The following ATE1 variants were observed in gnomAD, a reference collection of about 807,000 sequenced individuals.
The protein encoded by ATE1 is arginyl-tRNA--protein transferase 1.
A neutral mutation model predicts 70.5 loss-of-function variants in ATE1; 36 were observed. That is an observed-to-expected ratio of 0.51 (90% CI 0.39 to 0.67). ATE1 has a LOEUF of 0.67. ATE1 is among the 30% of genes least tolerant of loss of function. ATE1 has a pLI of 0.00. For missense variants in ATE1, 593 were observed against 629.5 expected, an observed-to-expected ratio of 0.94 and a Z score of 0.62; for synonymous variants, 232 against 219.3, an observed-to-expected ratio of 1.06 and a Z score of -0.51.
intron 10 of ATE1, among the ~76,000 whole-genome samples, chr10:121,803,969 G>A (rs2133397414): frequency 6.6e-6 from 1 of 152,270 alleles, no homozygotes; most frequent in Admixed American, 6.5e-5. Context: ...AGGGGTTCTG[G>A]TAGAATTTAC....
intron 7 of ATE1, among the ~76,000 whole-genome samples, chr10:121,893,347 A>G (rs1376307723): frequency 6.6e-6 from 1 of 152,006 alleles, no homozygotes; most frequent in Non-Finnish European, 1.5e-5. Context: ...AATAACATGG[A>G]GAAAATTAAT....
intron 10 of ATE1, among the ~76,000 whole-genome samples, chr10:121,818,878 G>A (rs1231999860): frequency 6.6e-6 from 1 of 152,178 alleles, no homozygotes; most frequent in East Asian, 1.9e-4. Context: ...CATTTTAAAT[G>A]ACAGTGAATA....
intron 10 of ATE1, among the ~76,000 whole-genome samples, chr10:121,821,307 C>T (rs1356405417): frequency 6.6e-6 from 1 of 152,006 alleles, no homozygotes; most frequent in African/African-American, 2.4e-5. Flanking sequence ...AAAAGCATTA[C>T]CATAAAGAAA....
intron 7 of ATE1, among the ~76,000 whole-genome samples, chr10:121,894,613 A>G (rs1281646935): frequency 1.3e-5 from 2 of 152,150 alleles, no homozygotes; most frequent in Non-Finnish European, 2.9e-5. Context: ...AAAATGAGCA[A>G]AGGGTGCCGG....
chr10:121,924,301 C>G lies in ATE1; in HGVS notation c.135G>C (p.Gln45His). 1 of 1,614,068 alleles carries G rather than the reference C, an allele frequency of 6.2e-7. No individual in the cohort carries two copies. Residue 45 changes from glutamine to histidine, a missense_variant, in exon 2 of 12, where the codon CAG (glutamine) becomes CAC (histidine). Coordinates refer to ENST00000224652, the MANE Select transcript of ATE1 (RefSeq NM_001001976.3). Reference sequence around the variant, plus strand: ...CTCGGTCTATGAGATCCTGATAATCCTGTACTGTCATGGAATGTGCCCACA... The same window carrying G: ...CTCGGTCTATGAGATCCTGATAATCGTGTACTGTCATGGAATGTGCCCACA... The part of the protein sequence containing the change: ...NGMWAHSMTV[Q>H]DYQDLIDRGW...
rs1224417901 is a variant in ATE1, at chr10:121,781,476, A to C, written c.1378+8693T>G. Among the ~76,000 whole-genome samples the C allele has an allele frequency of 2.0e-5, 3 of 152,214 alleles. No individual in the cohort carries two copies. The East Asian group carries it at 5.8e-4, about 29-fold the overall frequency. On this transcript the variant is annotated intron_variant, in intron 11 of 11. Transcript: ENST00000224652. Reference sequence around the variant, plus strand: ...TCTTCCTTTGGCCCCTCAGATGTACACCAGGTGTCTCAAAAGGACTGAGCT... The same window carrying C: ...TCTTCCTTTGGCCCCTCAGATGTACCCCAGGTGTCTCAAAAGGACTGAGCT...
intron 11 of ATE1, among the ~76,000 whole-genome samples, chr10:121,776,041 C>T (rs1301287245): frequency 6.6e-6 from 1 of 152,156 alleles, no homozygotes; most frequent in African/African-American, 2.4e-5. Context: ...GTTGCAGATG[C>T]ATCACAATAG....
At chr10:121,770,642 T>C (rs1268114421) in intron 11 of ATE1, among the ~76,000 whole-genome samples, 1 of 151,808 alleles carries the variant, frequency 6.6e-6, no homozygotes, top group Non-Finnish European at 1.5e-5. Flanking sequence ...CTTTAATAAG[T>C]CTGACCTGAC....
At chr10:121,750,937 T>C (rs1224398246) in intron 11 of ATE1, among the ~76,000 whole-genome samples, 1 of 152,224 alleles carries the variant, frequency 6.6e-6, no homozygotes, top group East Asian at 1.9e-4. Context: ...TATTTTAAAG[T>C]GACAGGAGAT....
chr10:121,915,114 C>T (rs11200253), intron 3 of ATE1, among the ~76,000 whole-genome samples: 20,084 of 152,048 alleles, frequency 0.13, 1,527 homozygotes, highest in East Asian at 0.19. Context: ...AGAAAGTAAC[C>T]TGGAGGACAT....
intron 4 of ATE1, 128 bp downstream of exon 4, chr10:121,913,662 T>C (rs1951531415): frequency 1.8e-6 from 1 of 557,206 alleles, no homozygotes; most frequent in South Asian, 3.0e-5. Flanking sequence ...GTGCTAACAG[T>C]AGTCGCTGTC....
intron 10 of ATE1, among the ~76,000 whole-genome samples, chr10:121,794,661 T>TAAAAAAAAAAA (rs374044559): frequency 3.0e-5 from 2 of 65,732 alleles, no homozygotes; most frequent in Admixed American, 2.1e-4. Context: ...GAATGTCTGG[T>TAAAAAAAAAAA]AAAAAAAAAA....
At chr10:121,807,971 G>A (rs1947164411) in intron 10 of ATE1, among the ~76,000 whole-genome samples, 2 of 152,042 alleles carry the variant, frequency 1.3e-5, no homozygotes, top group African/African-American at 4.8e-5. Flanking sequence ...GCCCCCTACA[G>A]AAAAAGTTTG....
chr10:121,895,348 G>A (rs956697890), intron 7 of ATE1, among the ~76,000 whole-genome samples: 2 of 152,182 alleles, frequency 1.3e-5, no homozygotes, highest in African/African-American at 2.4e-5. Context: ...GGTGGCTCAC[G>A]TCTGTAGTCC....
At chr10:121,851,330 G>T (rs181079858) in intron 8 of ATE1, among the ~76,000 whole-genome samples, 1 of 152,102 alleles carries the variant, frequency 6.6e-6, no homozygotes, top group East Asian at 1.9e-4. Flanking sequence ...TGAGGTGGGA[G>T]GATCACTTGA....
At chr10:121,831,964 T>G (rs1948256315) in intron 10 of ATE1, among the ~76,000 whole-genome samples, 1 of 152,212 alleles carries the variant, frequency 6.6e-6, no homozygotes, top group South Asian at 2.1e-4. Flanking sequence ...TATTCTGAAT[T>G]GCCCAGCTTT....
At chr10:121,802,380 C>A (rs1946921241) in intron 10 of ATE1, among the ~76,000 whole-genome samples, 1 of 151,934 alleles carries the variant, frequency 6.6e-6, no homozygotes, top group South Asian at 2.1e-4. Flanking sequence ...ACCATCTTGG[C>A]CCACTGCAAC....
chr10:121,743,920 T>C, intron 11 of ATE1, 62 bp from the exon 12 acceptor site: 3 of 1,113,828 alleles, frequency 2.7e-6, no homozygotes, highest in Admixed American at 7.1e-5. Flanking sequence ...TGTTTCCTTT[T>C]TTTTTTTTTT....
chr10:121,914,754 T>A lies in ATE1; in HGVS notation c.234-861A>T, dbSNP rs374423270. On this transcript the variant is annotated intron_variant, in intron 3 of 11. Coordinates refer to ENST00000224652, the MANE Select transcript of ATE1 (RefSeq NM_001001976.3). ...CAGGAAAGAGTAACATAGAGCCTCT[T>A]ACAGGATGGATGCAAGCCACAGCTG... 4.0e-3 allele frequency among the ~76,000 whole-genome samples: 602 copies of A among 152,248 alleles called. 4 individuals are homozygous for A. Among genetic ancestry groups the A allele is most frequent in the Non-Finnish European group, 6.7e-3 (457 of 68,018 alleles).
Sources: gnomAD v4.1 joint callset for allele counts (sites outside exome capture counted in the v4.1 genomes callset) on GRCh38, gnomAD v4.1.1 for gene constraint, MANE v1.5 for transcripts, NCBI Gene and HGNC (gene_info 2026-07-23, HGNC 2026-07-21) for gene names.